Variants in NAV1 observed in about 807,000 individuals in gnomAD.
NAV1 encodes neuron navigator 1, also known as pore membrane and/or filament interacting like protein 3.
In NAV1, 18 loss-of-function variants were observed where a neutral mutation model predicts 175.2. That is an observed-to-expected ratio of 0.10 (90% CI 0.07 to 0.15). The LOEUF (loss-of-function observed/expected upper bound fraction) is 0.15, where lower values mean the gene tolerates loss of function less well. Among genes scored for constraint, NAV1 ranks in the 10% least tolerant of loss-of-function variants. The pLI, the probability that NAV1 is intolerant of heterozygous loss-of-function variation, is 1.00. For missense variants in NAV1, 1,731 were observed against 2,436.6 expected (o/e 0.71, Z 6.10); for synonymous variants, 897 against 978.7 (o/e 0.92, Z 1.56).
At chr1:201,690,793 T>C (rs1288881355) in intron 1 of NAV1, among the ~76,000 whole-genome samples, 1 of 152,140 alleles carries the variant, frequency 6.6e-6, no homozygotes, top group African/African-American at 2.4e-5. Context: ...CTCCGTGGCC[T>C]GTCCATGGCA....
At chr1:201,643,433 C>CT (rs111809214), upstream of NAV1, among the ~76,000 whole-genome samples, 3,262 of 144,950 alleles carry the variant, frequency 0.023, 123 homozygotes, top group African/African-American at 0.08. Context: ...CCTTCTTTCT[C>CT]TTTTTTTTCT....
In NAV1 at chr1:201,812,559, G is replaced by A; in HGVS notation, c.5119G>A (p.Ala1707Thr). The stretch of plus-strand genomic sequence containing the variant: ...GGTAGAGTCAGACAGCGACATCAAT[G>A]CCAACAAGGAAGAGCTGCTTCGGGT... Residue 1707 changes from alanine (A) to threonine (T), a missense_variant, in exon 27 of 30, where the codon GCC (alanine) becomes ACC (threonine). Physicochemically the swap from Ala to Thr is moderately conservative, Grantham distance 58. This residue lies in a region of NAV1 where 115 missense variants were observed against 269.4 expected (regional missense o/e 0.43). Coordinates refer to ENST00000367296, the Ensembl canonical transcript of NAV1. The surrounding 1 kb of genome is among the most constrained non-coding windows in gnomAD (Gnocchi z 4.6). 6.2e-7 allele frequency: 1 copy of A among 1,614,176 alleles called. No individual in the cohort carries two copies. The highest frequency in any genetic ancestry group is 1.7e-5 in the Admixed American group (1 of 60,020).
At chr1:201,588,992 C>T (rs1470547781) in intron 2 of NAV1, among the ~76,000 whole-genome samples, 5 of 151,964 alleles carry the variant, frequency 3.3e-5, no homozygotes, top group Non-Finnish European at 7.4e-5. Flanking sequence ...GGACTACAGG[C>T]ACACACCACC....
At position 201,782,482 on chromosome 1, in the gene NAV1, C is replaced by G. The variant is rs1676391287; in HGVS notation, c.1970C>G (p.Pro657Arg). ...TTAGATGTTTCCAACAGTGCAGAGC[C>G]AGGATTCCTGGCTCCTGGAGCCCGT... Residue 657 changes from proline to arginine, a missense_variant, in exon 6 of 30, where the codon CCA becomes CGA. By Grantham distance (103) the Pro-to-Arg change is moderately radical. This residue lies in a region of NAV1 where 634 missense variants were observed against 766.8 expected (regional missense o/e 0.83). Transcript: ENST00000367296. This position sits in a 1 kb window ranked among gnomAD's most constrained non-coding sequence, Gnocchi z 5.4. 3 of 1,613,520 alleles carry G rather than the reference C, an allele frequency of 1.9e-6. No individual in the cohort carries two copies. The highest frequency in any genetic ancestry group is 2.5e-6 in the Non-Finnish European group (3 of 1,179,494).
intron 2 of NAV1, among the ~76,000 whole-genome samples, chr1:201,594,123 AC>A (rs1667285370): frequency 6.6e-6 from 1 of 151,632 alleles, no homozygotes; most frequent in Non-Finnish European, 1.5e-5. Flanking sequence ...GAGTGAAAGA[AC>A]AAAGCTTCCA....
At chr1:201,704,581 CA>C (rs1296682962) in intron 1 of NAV1, among the ~76,000 whole-genome samples, 1 of 152,226 alleles carries the variant, frequency 6.6e-6, no homozygotes, top group African/African-American at 2.4e-5. Context: ...TTTGCGTAGC[CA>C]CTTGGCATCA....
At chr1:201,582,257 A>G (rs932293321) in intron 1 of NAV1, among the ~76,000 whole-genome samples, 5 of 152,214 alleles carry the variant, frequency 3.3e-5, no homozygotes, top group Non-Finnish European at 7.3e-5. Context: ...CATATTTGCA[A>G]GAGAGGAAAT....
intron 3 of NAV1, among the ~76,000 whole-genome samples, chr1:201,753,598 G>A (rs1284337778): frequency 6.6e-5 from 10 of 152,192 alleles, no homozygotes; most frequent in Admixed American, 5.9e-4. Flanking sequence ...AACACCGTGT[G>A]TTTTCATTGG....
At chr1:201,627,526 G>C (rs950795937) in intron 1 of NAV1, among the ~76,000 whole-genome samples, 42 of 120,180 alleles carry the variant, frequency 3.5e-4, no homozygotes, top group African/African-American at 1.4e-3. Context: ...ATCCGCCCCG[G>C]CCCCCCCACC....
intron 3 of NAV1, among the ~76,000 whole-genome samples, chr1:201,725,628 G>A (rs1315827948): frequency 7.0e-6 from 1 of 142,964 alleles, no homozygotes; most frequent in Non-Finnish European, 1.5e-5. Flanking sequence ...CAGCCCGGGT[G>A]ACAGAGCAAG....
chr1:201,623,151 T>A (rs1668225289), exon 1 of NAV1: 1 of 985,748 alleles, frequency 1.0e-6, no homozygotes, highest in Non-Finnish European at 1.2e-6. Context: ...GGGAGTCAGC[T>A]GAGGATGGGG....
chr1:201,654,934 G>T (rs1669341742), intron 1 of NAV1, among the ~76,000 whole-genome samples: 1 of 152,104 alleles, frequency 6.6e-6, no homozygotes, highest in Non-Finnish European at 1.5e-5. Flanking sequence ...CTACCCGTGG[G>T]TCTGAATTTG....
intron 1 of NAV1, among the ~76,000 whole-genome samples, chr1:201,707,133 C>T (rs1303617453): frequency 6.6e-6 from 1 of 152,182 alleles, no homozygotes; most frequent in East Asian, 1.9e-4. Flanking sequence ...ACTACCTCAT[C>T]CACCCCTAAC....
rs377729734 is a variant in NAV1 at position 201,563,281 on chromosome 1, G to T, written c.-144+23939G>T. ...ACAGCCCCTCGAAGAGCGTCCGGACGCCGGGACCCAGCCTGGATGGCAGAG... is the reference window on the plus strand; with the variant it reads ...ACAGCCCCTCGAAGAGCGTCCGGACTCCGGGACCCAGCCTGGATGGCAGAG... On this transcript the variant is annotated intron_variant, in intron 1 of 33. Transcript: ENST00000685211. Among the ~76,000 whole-genome samples the T allele has an allele frequency of 7.2e-5, 11 of 152,258 alleles. 1 individual carries two copies. The East Asian group carries it at 1.9e-3, about 27-fold the overall frequency.
chr1:201,587,503 C>A (rs770685278), intron 1 of NAV1, among the ~76,000 whole-genome samples: 3 of 151,452 alleles, frequency 2.0e-5, no homozygotes, highest in African/African-American at 7.3e-5. Context: ...CTGGGAAACA[C>A]GGCAAAACCT....
chr1:201,810,847 C>A lies in NAV1; in HGVS notation c.4797+89C>A. 1.1e-6 allele frequency: 1 copy of A among 916,232 alleles called. No homozygotes were observed. The highest frequency in any genetic ancestry group is 1.7e-6 in the Non-Finnish European group (1 of 589,198). The allele number at this position is 916,232 out of a possible 1,614,324, so 56.8% of individuals were successfully genotyped here. A position where few individuals can be genotyped will look rare whatever the true frequency, so the allele number is the denominator to read the frequency against. The stretch of plus-strand genomic sequence containing the variant: ...CTCGGCCCCTTCCTGCCTCATTGTT[C>A]CCTTTTCCTCACCTCTGCCTTCATC... On this transcript the variant is annotated intron_variant, in intron 24 of 29. Transcript: ENST00000367296. The surrounding 1 kb of genome is among the most constrained non-coding windows in gnomAD (Gnocchi z 6.0).
At chr1:201,660,179 G>A (rs1669556733) in intron 1 of NAV1, among the ~76,000 whole-genome samples, 1 of 152,212 alleles carries the variant, frequency 6.6e-6, no homozygotes, top group African/African-American at 2.4e-5. Context: ...CAGCAGGGAA[G>A]GCAGCAGAGC....
At chr1:201,555,691 T>C (rs779017867) in intron 1 of NAV1, among the ~76,000 whole-genome samples, 2 of 151,644 alleles carry the variant, frequency 1.3e-5, no homozygotes, top group Non-Finnish European at 2.9e-5. Flanking sequence ...AGGGCTGCTA[T>C]AAATAGCACC....
chr1:201,785,197 T>G (rs554796419), intron 7 of NAV1, 113 bp from the exon 12 acceptor site: 1 of 1,039,000 alleles, frequency 9.6e-7, no homozygotes, highest in East Asian at 2.4e-5. Flanking sequence ...TAGTTTGATG[T>G]CCTGCGTCTA....
Sources: gnomAD v4.1 joint callset for allele counts (sites outside exome capture counted in the v4.1 genomes callset) on GRCh38, gnomAD v4.1.1 for gene constraint, gnomAD v4.1.1 regional missense constraint, Gnocchi (gnomAD v3.1) non-coding constraint, MANE v1.5 for transcripts, NCBI Gene and HGNC (gene_info 2026-07-23, HGNC 2026-07-21) for gene names.